The following MYO6 variants were observed in gnomAD, a reference collection of about 807,000 sequenced individuals.
MYO6 encodes myosin VI, also known as unconventional myosin-VI.
In MYO6, 74 loss-of-function variants were observed where a neutral mutation model predicts 178.7. The observed-to-expected ratio is 0.41, with a 90% confidence interval of 0.34 to 0.50. The LOEUF is 0.50. MYO6 is among the 20% of genes least tolerant of loss of function. MYO6 has a pLI of 0.09. For synonymous variants in MYO6, 477 were observed against 504.6 expected (o/e 0.95, Z 0.73); for missense variants, 1,330 against 1,547.4 (o/e 0.86, Z 2.36).
intron 18 of MYO6, among the ~76,000 whole-genome samples, chr6:75,869,398 C>T (rs1272683522): frequency 6.6e-6 from 1 of 152,126 alleles, no homozygotes; most frequent in East Asian, 1.9e-4. Flanking sequence ...CCATTATTAG[C>T]TCCGTAACCT....
chr6:75,825,302 T>C (rs1562212624), intron 3 of MYO6, among the ~76,000 whole-genome samples: 1 of 152,108 alleles, frequency 6.6e-6, no homozygotes, highest in Non-Finnish European at 1.5e-5. Flanking sequence ...GAGTATAAAA[T>C]TGGAAAGAAA....
intron 1 of MYO6, among the ~76,000 whole-genome samples, chr6:75,813,527 A>G (rs553447946): frequency 5.3e-5 from 8 of 150,940 alleles, no homozygotes; most frequent in Non-Finnish European, 1.0e-4. Context: ...TCGTTAACCC[A>G]CTCTGGCTGA....
Position 75,761,592 on chromosome 6 carries a change from AACACAC to A in MYO6, c.-48+12199_-48+12204del, listed in dbSNP as rs3057486. Among the ~76,000 whole-genome samples the A allele has an allele frequency of 6.9e-4, 98 of 143,036 alleles. 1 individual carries two copies. The highest frequency in any genetic ancestry group is 1.6e-3 in the South Asian group (7 of 4,402). The allele number at this position is 143,036 out of a possible 152,430, so 93.8% of individuals were successfully genotyped here. A position where few individuals can be genotyped will look rare whatever the true frequency, so the allele number is the denominator to read the frequency against. ...AGTATGTTAGAAAATGGGCTGTTAG[AACACAC>A]ACACACACACACACACACACACACA... On this transcript the variant is annotated intron_variant, in intron 1 of 34. Transcript: ENST00000369977.
chr6:75,785,802 A>T (rs549327245), intron 1 of MYO6, among the ~76,000 whole-genome samples: 5 of 152,070 alleles, frequency 3.3e-5, no homozygotes, highest in African/African-American at 1.2e-4. Context: ...CCCCAAGTGG[A>T]TATCCAGTTG....
chr6:75,885,956 A>T, intron 23 of MYO6, 48 bp from the exon 24 acceptor site: 2 of 1,167,008 alleles, frequency 1.7e-6, no homozygotes, highest in Non-Finnish European at 2.5e-6. Context: ...TATATGTTAG[A>T]TTTAAACTGA....
intron 1 of MYO6, among the ~76,000 whole-genome samples, chr6:75,792,547 C>T (rs553477177): frequency 9.9e-5 from 15 of 152,222 alleles, no homozygotes; most frequent in Admixed American, 3.9e-4. Context: ...CCTATTTCTA[C>T]CTCTGCTTGT....
In MYO6 at chr6:75,916,212, A is replaced by C. The variant is rs1432391178; in HGVS notation, c.*1200A>C. ...TCTAAGGAGTTTTGTTGTATTTTAGAATAAAATTATAAAGTAAAATGATTC... is the reference window on the plus strand; with the variant it reads ...TCTAAGGAGTTTTGTTGTATTTTAGCATAAAATTATAAAGTAAAATGATTC... On this transcript the variant is annotated 3_prime_UTR_variant, in exon 35 of 35. Transcript: ENST00000369977. 8 of 152,184 alleles carry C rather than the reference A, an allele frequency of 5.3e-5. No individual in the cohort carries two copies. Among genetic ancestry groups the C allele is most frequent in the African/African-American group, 1.9e-4 (8 of 41,460 alleles). 9.4% of individuals were successfully genotyped at this position (152,184 alleles called of 1,614,324 possible).
intron 3 of MYO6, among the ~76,000 whole-genome samples, chr6:75,825,023 T>C (rs997108161): frequency 6.6e-6 from 1 of 152,162 alleles, no homozygotes; most frequent in African/African-American, 2.4e-5. Context: ...GCTCCCAAAG[T>C]GCTGGGATTA....
chr6:75,750,239 C>G (rs1245800166), intron 1 of MYO6, among the ~76,000 whole-genome samples: 2 of 151,894 alleles, frequency 1.3e-5, no homozygotes, highest in Admixed American at 6.6e-5. Context: ...GGATTACAAG[C>G]GCCCACCACC....
At chr6:75,906,707 C>A (rs1025313969) in intron 30 of MYO6, among the ~76,000 whole-genome samples, 7 of 151,966 alleles carry the variant, frequency 4.6e-5, no homozygotes, top group Admixed American at 4.6e-4. Context: ...ACAAACAAAA[C>A]GCAAAACCAA....
Position 75,891,322 on chromosome 6 carries a change from G to T in MYO6, c.2946+16G>T, listed in dbSNP as rs762517426. The T allele has an allele frequency of 4.4e-6, 7 of 1,579,714 alleles. No individual in the cohort carries two copies. In the East Asian group the frequency reaches 1.6e-4, roughly 36 times the overall value. ...ACGCATTCAAGTATGTACTTACTGG[G>T]TTGAATTTCTATTAAAATGGAACCT... On this transcript the variant is annotated intron_variant, in intron 27 of 34. Coordinates refer to ENST00000369977, the MANE Select transcript of MYO6 (RefSeq NM_004999.4).
intron 6 of MYO6, among the ~76,000 whole-genome samples, chr6:75,835,438 A>G (rs1773544958): frequency 6.6e-6 from 1 of 151,960 alleles, no homozygotes; most frequent in Admixed American, 6.6e-5. Flanking sequence ...AAATATATAT[A>G]TATATTTTTT....
intron 18 of MYO6, among the ~76,000 whole-genome samples, chr6:75,870,442 G>T (rs1483313653): frequency 6.6e-6 from 1 of 152,068 alleles, no homozygotes; most frequent in African/African-American, 2.4e-5. Flanking sequence ...TTCTGTGTAA[G>T]TTATTGTTCT....
chr6:75,775,202 C>G (rs999905028), intron 1 of MYO6, among the ~76,000 whole-genome samples: 3 of 152,172 alleles, frequency 2.0e-5, no homozygotes, highest in African/African-American at 7.2e-5. Flanking sequence ...AGTGAGTTCT[C>G]TCCATTAAGT....
At chr6:75,864,043 C>G (rs529613677) in intron 16 of MYO6, among the ~76,000 whole-genome samples, 1 of 152,224 alleles carries the variant, frequency 6.6e-6, no homozygotes, top group South Asian at 2.1e-4. Flanking sequence ...AAGATAGTTG[C>G]TGCCTCATCT....
At chr6:75,817,773 A>G (rs1431290484) in intron 2 of MYO6, 109 bp downstream of exon 2, 1 of 982,392 alleles carries the variant, frequency 1.0e-6, no homozygotes, top group Non-Finnish European at 1.6e-6. Flanking sequence ...GGGAAAGCAT[A>G]TTTCTGGTAA....
At chr6:75,802,259 A>G (rs1769542747) in intron 1 of MYO6, among the ~76,000 whole-genome samples, 2 of 151,816 alleles carry the variant, frequency 1.3e-5, no homozygotes, top group African/African-American at 4.8e-5. Flanking sequence ...ATCTGAGGTC[A>G]GGAGTTTCAG....
intron 1 of MYO6, among the ~76,000 whole-genome samples, chr6:75,766,520 A>G (rs1778435175): frequency 6.6e-6 from 1 of 152,166 alleles, no homozygotes; most frequent in Non-Finnish European, 1.5e-5. Context: ...GTGAAGGTGC[A>G]GGCAGTCCTT....
chr6:75,871,592 A>G (rs1230630337), intron 19 of MYO6, among the ~76,000 whole-genome samples: 1 of 152,188 alleles, frequency 6.6e-6, no homozygotes, highest in Non-Finnish European at 1.5e-5. Context: ...TTGAATAGCT[A>G]GACATTTATT....
Sources: gnomAD v4.1 joint callset for allele counts (sites outside exome capture counted in the v4.1 genomes callset) on GRCh38, gnomAD v4.1.1 for gene constraint, MANE v1.5 for transcripts, NCBI Gene and HGNC (gene_info 2026-07-23, HGNC 2026-07-21) for gene names.